The following PPARGC1A variants were observed in gnomAD, a reference collection of about 807,000 sequenced individuals.
PPARGC1A encodes the protein PPARG coactivator 1 alpha, also known as peroxisome proliferator-activated receptor gamma coactivator 1-alpha.
In PPARGC1A, 25 loss-of-function variants were observed where a neutral mutation model predicts 88.7. The ratio of observed to expected loss-of-function variants is 0.28; its 90% confidence interval spans 0.21 to 0.39. The LOEUF is 0.39. Among genes scored for constraint, PPARGC1A ranks in the 10% least tolerant of loss-of-function variants. The probability of loss-of-function intolerance (pLI) is 1.00; values close to 1 mark genes in which losing one functional copy is unlikely to be tolerated. For missense variants in PPARGC1A, 880 were observed against 968.7 expected (o/e 0.91, Z 1.22); for synonymous variants, 363 against 355.6 (o/e 1.02, Z -0.24).
intron 7 of PPARGC1A, 36 bp from the exon 8 acceptor site, chr4:23,814,641 G>C: frequency 7.4e-7 from 1 of 1,352,894 alleles, no homozygotes; most frequent in Non-Finnish European, 1.0e-6. Flanking sequence ...AAAAAAGAGA[G>C]AGAAAGAAAA....
At chr4:23,947,397 A>ATATATATATATAT in the PPARGC1A span, among the ~76,000 whole-genome samples, 16 of 12,302 alleles carry the variant, frequency 1.3e-3, 1 homozygote, top group African/African-American at 1.8e-3. Context: ...ATATATATAT[A>ATATATATATATAT]AAAAAAACGG....
the PPARGC1A span, among the ~76,000 whole-genome samples, chr4:24,116,077 C>A: frequency 2.6e-4 from 40 of 152,298 alleles, no homozygotes; most frequent in Admixed American, 9.8e-4. Context: ...TCTGGTAGAG[C>A]ACACTTGTGC....
intron 2 of PPARGC1A, among the ~76,000 whole-genome samples, chr4:23,853,297 T>G (rs10007750): frequency 0.4 from 60,131 of 151,942 alleles, 12,766 homozygotes; most frequent in African/African-American, 0.53. Context: ...GATAGAAACA[T>G]GGTACAGAAA....
the PPARGC1A span, among the ~76,000 whole-genome samples, chr4:24,153,943 A>T: frequency 1.3e-5 from 2 of 152,184 alleles, no homozygotes; most frequent in Non-Finnish European, 2.9e-5. Context: ...AATATGAGAA[A>T]GGGAGGGAAA....
the PPARGC1A span, among the ~76,000 whole-genome samples, chr4:24,313,091 C>T: frequency 1.3e-4 from 19 of 151,922 alleles, no homozygotes; most frequent in Non-Finnish European, 2.1e-4. Flanking sequence ...AAACAAACAG[C>T]GAATGATAAC....
At chr4:24,257,052 G>A in the PPARGC1A span, among the ~76,000 whole-genome samples, 21 of 152,144 alleles carry the variant, frequency 1.4e-4, no homozygotes, top group African/African-American at 4.3e-4. Context: ...TTTGTAAGAG[G>A]AACACTTGTT....
Position 23,807,068 on chromosome 4 carries a change from T to C in PPARGC1A, c.2020-4723A>G, listed in dbSNP as rs145799163. Among the ~76,000 whole-genome samples the C allele has an allele frequency of 3.9e-5, 6 of 152,302 alleles. No homozygotes were observed. The East Asian group carries it at 9.7e-4, about 25-fold the overall frequency. ...TTTTTTCTATGCTAAGGAAACTACA[T>C]ATCAACTTTGGCAGTGAAATACTAG... On this transcript the variant is annotated intron_variant, in intron 10 of 12. Coordinates refer to ENST00000264867, the MANE Select transcript of PPARGC1A (RefSeq NM_013261.5).
chr4:24,215,812 A>G, the PPARGC1A span, among the ~76,000 whole-genome samples: 11 of 152,194 alleles, frequency 7.2e-5, no homozygotes, highest in Non-Finnish European at 1.6e-4. Flanking sequence ...TACTATACTA[A>G]GCAGATTGGC....
chr4:24,006,621 T>C, the PPARGC1A span, among the ~76,000 whole-genome samples: 1 of 152,208 alleles, frequency 6.6e-6, no homozygotes, highest in Non-Finnish European at 1.5e-5. Flanking sequence ...ATACAGTTTG[T>C]AACTTGCTGG....
rs1340669120 is a variant in PPARGC1A at position 23,812,734 on chromosome 4, C to A, written c.2019+13G>T. The A allele has an allele frequency of 6.2e-6, 10 of 1,613,758 alleles. No homozygotes were observed. Among genetic ancestry groups the A allele is most frequent in the African/African-American group, 1.3e-5 (1 of 74,908 alleles). On this transcript the variant is annotated intron_variant, in intron 10 of 12. Transcript: ENST00000264867. Reference sequence around the variant, plus strand: ...CCCTACTTTAAAATAAAAGTGAGCTCCAGGCCACTTACAATTGCCTTCTGC... The same window carrying A: ...CCCTACTTTAAAATAAAAGTGAGCTACAGGCCACTTACAATTGCCTTCTGC...
intron 2 of PPARGC1A, among the ~76,000 whole-genome samples, chr4:23,860,294 G>A (rs1010646803): frequency 1.4e-4 from 17 of 124,740 alleles, no homozygotes; most frequent in Non-Finnish European, 4.9e-5. Flanking sequence ...AAATAAACGA[G>A]TAGAATGATG....
intron 2 of PPARGC1A, chr4:23,866,365 T>C (rs1577572254): frequency 6.6e-6 from 1 of 152,212 alleles, no homozygotes; most frequent in Non-Finnish European, 1.5e-5. Flanking sequence ...TTTATTTCCA[T>C]TAGACTAGGC....
the PPARGC1A span, among the ~76,000 whole-genome samples, chr4:24,256,761 A>G: frequency 6.6e-6 from 1 of 152,132 alleles, no homozygotes; most frequent in African/African-American, 2.4e-5. Flanking sequence ...ACTCAAACCA[A>G]TCCATGGGCA....
chr4:23,902,066 T>C (rs2148883204), upstream of PPARGC1A, among the ~76,000 whole-genome samples: 1 of 152,136 alleles, frequency 6.6e-6, no homozygotes, highest in South Asian at 2.1e-4. Flanking sequence ...AATTTCAATC[T>C]GAATACAAAA....
chr4:24,267,169 A>G, the PPARGC1A span, among the ~76,000 whole-genome samples: 3 of 152,236 alleles, frequency 2.0e-5, no homozygotes, highest in Admixed American at 6.5e-5. Flanking sequence ...ATTTCTCAAC[A>G]TTCCACCCAC....
At chr4:24,035,106 C>G in the PPARGC1A span, among the ~76,000 whole-genome samples, 2,944 of 152,218 alleles carry the variant, frequency 0.019, 45 homozygotes, top group Non-Finnish European at 0.031. Flanking sequence ...TACATGATAT[C>G]CGGGAGATAG....
At chr4:24,191,181 C>G in the PPARGC1A span, among the ~76,000 whole-genome samples, 1 of 152,176 alleles carries the variant, frequency 6.6e-6, no homozygotes, top group Admixed American at 6.5e-5. Context: ...TGTATGTATT[C>G]TCGGAGCAGA....
At chr4:24,039,327 G>A in the PPARGC1A span, among the ~76,000 whole-genome samples, 1 of 152,074 alleles carries the variant, frequency 6.6e-6, no homozygotes, top group African/African-American at 2.4e-5. Flanking sequence ...ATTGCAAGGA[G>A]TTGAGGTTCT....
chr4:24,464,308 T>C, the PPARGC1A span, among the ~76,000 whole-genome samples: 4 of 152,258 alleles, frequency 2.6e-5, no homozygotes, highest in Non-Finnish European at 4.4e-5. Context: ...CAAGTTTATG[T>C]GGTTGTTCTC....
Sources: allele counts gnomAD v4.1 joint callset (sites outside exome capture counted in the v4.1 genomes callset), GRCh38; gene constraint gnomAD v4.1.1; transcripts MANE v1.5; gene names NCBI Gene and HGNC (gene_info 2026-07-23, HGNC 2026-07-21).